Variants in XRRA1 observed in about 807,000 individuals in gnomAD.
XRRA1 encodes X-ray radiation resistance associated 1, also known as X-ray radiation resistance-associated protein 1.
Under a neutral mutation model 80.2 loss-of-function variants are expected in XRRA1, and 69 were observed. The observed-to-expected ratio is 0.86, with a 90% CI of 0.71 to 1.05. The LOEUF (loss-of-function observed/expected upper bound fraction) is 1.05. Ranked by LOEUF, XRRA1 falls within the 50% of genes least tolerant of loss-of-function variation. The probability of loss-of-function intolerance (pLI) is 0.00; values close to 1 mark genes in which losing one functional copy is unlikely to be tolerated. For missense variants in XRRA1, 967 were observed against 976.4 expected, an observed-to-expected ratio of 0.99 and a Z score of 0.13; for synonymous variants, 348 against 389.9, an observed-to-expected ratio of 0.89 and a Z score of 1.27.
intron 10 of XRRA1, among the ~76,000 whole-genome samples, chr11:74,875,953 G>A (rs1258823650): frequency 6.6e-6 from 1 of 152,210 alleles, no homozygotes; most frequent in African/African-American, 2.4e-5. Context: ...AGGACTGGCA[G>A]ATAGACTTCA....
At chr11:74,907,407 TC>T (rs2054864953) in intron 8 of XRRA1, 134 bp from the exon 9 acceptor site, 2 of 1,128,868 alleles carry the variant, frequency 1.8e-6, no homozygotes, top group South Asian at 1.6e-5. Flanking sequence ...CCAAAAGAGG[TC>T]CCCATAGGGA....
intron 10 of XRRA1, among the ~76,000 whole-genome samples, chr11:74,866,871 A>C (rs997244342): frequency 3.3e-5 from 5 of 152,176 alleles, no homozygotes; most frequent in African/African-American, 1.2e-4. Context: ...AAAAGAAAAT[A>C]TTAGGGTTGC....
At chr11:74,907,442 C>T (rs74612404) in intron 8 of XRRA1, among the ~76,000 whole-genome samples, 169 bp from the exon 9 acceptor site, 9,689 of 152,232 alleles carry the variant, frequency 0.064, 418 homozygotes, top group Middle Eastern at 0.14. Flanking sequence ...TAATTCCTTC[C>T]CCACCTTCTC....
chr11:74,916,789 C>A (rs1938853723), intron 8 of XRRA1, among the ~76,000 whole-genome samples: 1 of 151,730 alleles, frequency 6.6e-6, no homozygotes, highest in Non-Finnish European at 1.5e-5. Context: ...CAGATTCTTC[C>A]CTTTACCAGG....
intron 5 of XRRA1, among the ~76,000 whole-genome samples, chr11:74,930,976 T>C (rs527879441): frequency 2.2e-4 from 33 of 152,174 alleles, no homozygotes; most frequent in African/African-American, 7.7e-4. Flanking sequence ...GGCTAATTTT[T>C]TTGTATTTTT....
At chr11:74,922,757 T>TA (rs1207628207) in intron 7 of XRRA1, among the ~76,000 whole-genome samples, 1 of 152,252 alleles carries the variant, frequency 6.6e-6, no homozygotes, top group African/African-American at 2.4e-5. Context: ...CCTGGGTGTT[T>TA]AAGTCCTGAC....
intron 10 of XRRA1, among the ~76,000 whole-genome samples, chr11:74,887,033 A>T (rs575194294): frequency 1.3e-5 from 2 of 152,210 alleles, no homozygotes; most frequent in African/African-American, 4.8e-5. Flanking sequence ...TTGAAACTGA[A>T]CCCCTTCCTT....
chr11:74,880,974 A>AG (rs1351021753), intron 10 of XRRA1, among the ~76,000 whole-genome samples: 19 of 147,504 alleles, frequency 1.3e-4, no homozygotes, highest in African/African-American at 4.8e-4. Flanking sequence ...GATGTCTATT[A>AG]GGTCCGCTTG....
intron 6 of XRRA1, among the ~76,000 whole-genome samples, chr11:74,928,862 A>G (rs1406004684): frequency 6.6e-6 from 1 of 152,084 alleles, no homozygotes; most frequent in Non-Finnish European, 1.5e-5. Flanking sequence ...TACCTCCAAG[A>G]TGCTACACCA....
chr11:74,870,567 A>G (rs2044545857), intron 10 of XRRA1, among the ~76,000 whole-genome samples: 1 of 152,138 alleles, frequency 6.6e-6, no homozygotes, highest in Non-Finnish European at 1.5e-5. Context: ...AAGGATTGCC[A>G]TTTTTGTGAT....
intron 10 of XRRA1, among the ~76,000 whole-genome samples, chr11:74,885,749 G>A (rs1000232757): frequency 2.0e-5 from 3 of 151,942 alleles, no homozygotes; most frequent in African/African-American, 7.3e-5. Context: ...ACCCACCAGA[G>A]ACACAACAAC....
intron 3 of XRRA1, among the ~76,000 whole-genome samples, chr11:74,937,671 G>C (rs1945321567): frequency 6.6e-6 from 1 of 151,518 alleles, no homozygotes; most frequent in African/African-American, 2.4e-5. Flanking sequence ...TAAGCAAAAA[G>C]AATATGAGGT....
chr11:74,882,762 C>A (rs1590966848), intron 10 of XRRA1, among the ~76,000 whole-genome samples: 1 of 152,086 alleles, frequency 6.6e-6, no homozygotes, highest in East Asian at 1.9e-4. Flanking sequence ...TGTTGGAGTA[C>A]CCTGCCGTGT....
intron 8 of XRRA1, among the ~76,000 whole-genome samples, chr11:74,914,646 T>G (rs1937925877): frequency 6.6e-6 from 1 of 152,162 alleles, no homozygotes; most frequent in South Asian, 2.1e-4. Context: ...GAATAGAGCC[T>G]TTTCTCGGTA....
intron 8 of XRRA1, among the ~76,000 whole-genome samples, chr11:74,917,836 C>G (rs1231940526): frequency 6.6e-6 from 1 of 152,154 alleles, no homozygotes; most frequent in Non-Finnish European, 1.5e-5. Flanking sequence ...TTCCACTGAA[C>G]TGGAAGTCGA....
intron 4 of XRRA1, 116 bp downstream of exon 4, chr11:74,936,768 A>G: frequency 7.7e-7 from 1 of 1,303,244 alleles, no homozygotes; most frequent in Non-Finnish European, 1.0e-6. Context: ...TGCCAATATC[A>G]CTCTAACAGT....
chr11:74,933,973 T>C, intron 4 of XRRA1, 101 bp from the exon 5 acceptor site: 1 of 1,048,454 alleles, frequency 9.5e-7, no homozygotes, highest in Non-Finnish European at 1.4e-6. Flanking sequence ...ATACTTGTCA[T>C]AATTTGTTTG....
chr11:74,914,415 T>A (rs1235019674), intron 8 of XRRA1, among the ~76,000 whole-genome samples: 2 of 152,240 alleles, frequency 1.3e-5, no homozygotes, highest in Non-Finnish European at 2.9e-5. Flanking sequence ...GTCCCAACTG[T>A]AATGCAAGTT....
At chr11:74,925,250 G>A (rs1300879470) in intron 7 of XRRA1, among the ~76,000 whole-genome samples, 1 of 152,222 alleles carries the variant, frequency 6.6e-6, no homozygotes, top group Non-Finnish European at 1.5e-5. Context: ...GACTGCCAGG[G>A]CAGGGCTCCA....
Sources: allele counts gnomAD v4.1 joint callset (sites outside exome capture counted in the v4.1 genomes callset), GRCh38; gene constraint gnomAD v4.1.1; transcripts MANE v1.5; gene names NCBI Gene and HGNC (gene_info 2026-07-23, HGNC 2026-07-21).